Variants in AHCY observed in about 807,000 individuals in gnomAD.
The protein encoded by AHCY is S-adenosyl-L-homocysteine hydrolase.
AHCY carries 24 observed loss-of-function variants against 45.4 expected under a neutral mutation model. That is an observed-to-expected ratio of 0.53 (90% confidence interval 0.38 to 0.74). The LOEUF (loss-of-function observed/expected upper bound fraction) is 0.74. Among genes scored for constraint, AHCY ranks in the 30% least tolerant of loss-of-function variants. The pLI, the probability that AHCY is intolerant of heterozygous loss-of-function variation, is 0.00. For missense variants in AHCY, 449 were observed against 594.1 expected, an observed-to-expected ratio of 0.76 and a Z score of 2.54; for synonymous variants, 245 against 235.1, an observed-to-expected ratio of 1.04 and a Z score of -0.39.
At chr20:34,269,487 T>TG in the AHCY span, 5 of 384,428 alleles carry the variant, frequency 1.3e-5, no homozygotes, top group Non-Finnish European at 2.3e-5. Flanking sequence ...GCTGCCGACC[T>TG]GGGGGTTAGG....
chr20:34,290,958 G>T lies in AHCY; in HGVS notation c.559-20C>A. 1 of 1,612,996 alleles carries T rather than the reference G, an allele frequency of 6.2e-7. No individual in the cohort carries two copies. Among genetic ancestry groups the T allele is most frequent in the Non-Finnish European group, 8.5e-7 (1 of 1,179,102 alleles). Reference sequence around the variant, plus strand: ...CTTGCTCTGAAAGGAAAGGGGGTAAGGAGACAATAGGGGCAGGCAAGGCCC... The same window carrying T: ...CTTGCTCTGAAAGGAAAGGGGGTAATGAGACAATAGGGGCAGGCAAGGCCC... On this transcript the variant is annotated intron_variant, in intron 5 of 9. Coordinates refer to ENST00000217426, the MANE Select transcript of AHCY (RefSeq NM_000687.4). This position sits in a 1 kb window ranked among gnomAD's most constrained non-coding sequence, Gnocchi z 4.5.
At chr20:34,232,235 A>G in the AHCY span, among the ~76,000 whole-genome samples, 1 of 152,186 alleles carries the variant, frequency 6.6e-6, no homozygotes, top group Non-Finnish European at 1.5e-5. Flanking sequence ...TGCAAAGACA[A>G]TCCTGAGAAA....
At chr20:34,262,822 C>G in the AHCY span, 1 of 1,613,822 alleles carries the variant, frequency 6.2e-7, no homozygotes, top group Non-Finnish European at 8.5e-7. Context: ...CCTTTTGTCT[C>G]TCTTTGAAGC....
chr20:34,268,622 G>A, the AHCY span, among the ~76,000 whole-genome samples: 1 of 151,990 alleles, frequency 6.6e-6, no homozygotes, highest in Non-Finnish European at 1.5e-5. Context: ...TGTGGTCCCA[G>A]CTACTTGGGA....
the AHCY span, among the ~76,000 whole-genome samples, chr20:34,232,318 C>T: frequency 6.6e-6 from 1 of 152,198 alleles, no homozygotes; most frequent in Non-Finnish European, 1.5e-5. Context: ...GCATAAGAGA[C>T]TCATGGCAGA....
the AHCY span, among the ~76,000 whole-genome samples, chr20:34,236,064 G>T: frequency 1.5e-5 from 2 of 133,356 alleles, no homozygotes; most frequent in South Asian, 5.1e-4. Context: ...GAAGGAGAGA[G>T]AGAAAGAAAG....
the AHCY span, among the ~76,000 whole-genome samples, chr20:34,242,181 C>T: frequency 3.3e-5 from 5 of 151,260 alleles, no homozygotes; most frequent in Admixed American, 6.6e-5. Context: ...TTTTTGGTTT[C>T]CTTTTTAAAA....
the AHCY span, chr20:34,260,410 G>C: frequency 1.9e-6 from 3 of 1,614,050 alleles, no homozygotes; most frequent in South Asian, 3.3e-5. Flanking sequence ...CCACCCTGCT[G>C]GTCTTCCTCT....
At chr20:34,296,348 G>A (rs932567053) in intron 1 of AHCY, among the ~76,000 whole-genome samples, 3 of 152,068 alleles carry the variant, frequency 2.0e-5, no homozygotes, top group Non-Finnish European at 2.9e-5. Flanking sequence ...CTGAATCTGG[G>A]GGTTCAATAA....
Position 34,290,724 on chromosome 20 carries a change from A to C in AHCY, c.766+7T>G, listed in dbSNP as rs774127062. The C allele has an allele frequency of 1.4e-5, 22 of 1,613,052 alleles. 1 individual carries two copies. The South Asian group carries it at 2.3e-4, about 17-fold the overall frequency. ...GTGGCTGACAACCAACCCTTGCCCT[A>C]TCCTACCCTCCATGGCAGCCTGCAG... On this transcript the variant is annotated splice_region_variant and intron_variant, in intron 6 of 9. Coordinates refer to ENST00000217426, the MANE Select transcript of AHCY (RefSeq NM_000687.4). This position sits in a 1 kb window ranked among gnomAD's most constrained non-coding sequence, Gnocchi z 4.5.
chr20:34,254,905 ACCAAT>A, the AHCY span, among the ~76,000 whole-genome samples: 2 of 152,160 alleles, frequency 1.3e-5, no homozygotes, highest in Non-Finnish European at 2.9e-5. Flanking sequence ...CTGAGACTTT[ACCAAT>A]CCAAGACTCA....
chr20:34,235,860 G>A, the AHCY span, among the ~76,000 whole-genome samples: 5 of 32,088 alleles, frequency 1.6e-4, no homozygotes, highest in East Asian at 9.2e-4. Context: ...AAGGAAGGAA[G>A]GAAGGAAAGG....
the AHCY span, among the ~76,000 whole-genome samples, chr20:34,251,975 G>C: frequency 2.6e-5 from 4 of 152,198 alleles, no homozygotes; most frequent in Non-Finnish European, 5.9e-5. Flanking sequence ...TTTTGTTATA[G>C]TCACCTAAAC....
At chr20:34,294,340 C>A (rs2036503675) in intron 2 of AHCY, among the ~76,000 whole-genome samples, 184 bp from the exon 3 acceptor site, 1 of 152,056 alleles carries the variant, frequency 6.6e-6, no homozygotes, top group South Asian at 2.1e-4. Context: ...GGGGCGAGAT[C>A]CAACTCAGGT....
rs557279915 is a variant in AHCY, at chr20:34,303,152, A to G, written c.28+91T>C. 3.6e-5 allele frequency: 56 copies of G among 1,539,610 alleles called. No individual in the cohort carries two copies. The African/African-American group carries it at 6.5e-4, about 18-fold the overall frequency. ...GAGGCTGCGATTCCAGGGGGTCCAG[A>G]GAGCCCCGAGTCGGCCCTGCAGCCC... On this transcript the variant is annotated intron_variant, in intron 1 of 9. Coordinates refer to ENST00000217426, the MANE Select transcript of AHCY (RefSeq NM_000687.4).
Position 34,290,449 on chromosome 20 carries a change from C to A in AHCY, c.855G>T (p.Arg285=). 4 of 1,614,124 alleles carry A rather than the reference C, an allele frequency of 2.5e-6. No individual in the cohort carries two copies. Among genetic ancestry groups the A allele is most frequent in the Non-Finnish European group, 3.4e-6 (4 of 1,179,982 alleles). Reference sequence around the variant, plus strand: ...CATCATCCTTCATCTGCTCAAAGTGCCTGTCAGGCAGCCCAAGACCGTGGG... The same window carrying A: ...CATCATCCTTCATCTGCTCAAAGTGACTGTCAGGCAGCCCAAGACCGTGGG... ...TTGCIDIILG[R]HFEQMKDDAI... is the part of the protein sequence containing the mutation. Residue 285 remains arginine (R), a splice_region_variant and synonymous_variant, in exon 8 of 10, where the codon CGG becomes CGT. Coordinates refer to ENST00000217426, the MANE Select transcript of AHCY (RefSeq NM_000687.4). The surrounding 1 kb of genome is among the most constrained non-coding windows in gnomAD (Gnocchi z 4.5).
the AHCY span, chr20:34,234,918 A>G: frequency 6.6e-6 from 1 of 152,118 alleles, no homozygotes; most frequent in Non-Finnish European, 1.5e-5. Context: ...TTGTTTGCAC[A>G]TTATTTTCTC....
In AHCY at chr20:34,285,467, G is replaced by C. The variant is rs764698901; in HGVS notation, c.1140C>G (p.Pro380=). ...IELWTHPDKY[P]VGVHFLPKKL... ...TCTTGGGCAGGAAATGAACCCCAAC[G>C]GGGTACTTGTCTGGATGGGTCCACA... Residue 380 remains proline, a synonymous_variant, in exon 9 of 10, where the codon CCC becomes CCG. Transcript: ENST00000217426. 7 of 1,613,918 alleles carry C rather than the reference G, an allele frequency of 4.3e-6. No homozygotes were observed. The highest frequency in any genetic ancestry group is 5.1e-6 in the Non-Finnish European group (6 of 1,179,926).
chr20:34,245,554 A>C, the AHCY span, among the ~76,000 whole-genome samples: 6 of 151,330 alleles, frequency 4.0e-5, no homozygotes, highest in African/African-American at 1.5e-4. Context: ...TGCCTGGCTA[A>C]ATTTTGTATT....
Sources: allele counts gnomAD v4.1 joint callset (sites outside exome capture counted in the v4.1 genomes callset), GRCh38; gene constraint gnomAD v4.1.1; non-coding constraint Gnocchi (gnomAD v3.1); transcripts MANE v1.5; gene names NCBI Gene and HGNC (gene_info 2026-07-23, HGNC 2026-07-21).